KCNH5: variants seen among roughly 807,000 people sequenced by gnomAD.
The protein encoded by KCNH5 is voltage-gated delayed rectifier potassium channel KCNH5.
A neutral mutation model predicts 96.1 loss-of-function variants in KCNH5; 46 were observed. The observed-to-expected ratio is 0.48, with a 90% confidence interval of 0.38 to 0.61. The LOEUF is 0.61. Ranked by LOEUF, KCNH5 falls within the 20% of genes least tolerant of loss-of-function variation. The pLI is 0.00. For synonymous variants in KCNH5, 439 were observed against 449.8 expected (o/e 0.98, Z 0.30); for missense variants, 907 against 1,225.8 (o/e 0.74, Z 3.88).
At chr14:62,924,788 G>T (rs1184711319) in intron 7 of KCNH5, among the ~76,000 whole-genome samples, 3 of 151,840 alleles carry the variant, frequency 2.0e-5, no homozygotes, top group African/African-American at 7.2e-5. Context: ...AGAGTAGAAA[G>T]GTAGTTACCA....
chr14:62,867,864 T>A (rs985044403), intron 7 of KCNH5, among the ~76,000 whole-genome samples: 2 of 152,118 alleles, frequency 1.3e-5, no homozygotes, highest in Non-Finnish European at 2.9e-5. Flanking sequence ...CCACCTTAAC[T>A]TCATTCAGGT....
At chr14:62,956,250 T>C (rs925188247) in intron 6 of KCNH5, among the ~76,000 whole-genome samples, 5 of 152,066 alleles carry the variant, frequency 3.3e-5, no homozygotes, top group African/African-American at 1.2e-4. Flanking sequence ...AGGAGCTAGA[T>C]ACAAAAGAGT....
At chr14:62,864,851 A>T (rs1888102829) in intron 7 of KCNH5, among the ~76,000 whole-genome samples, 1 of 152,166 alleles carries the variant, frequency 6.6e-6, no homozygotes, top group Non-Finnish European at 1.5e-5. Flanking sequence ...AATATTTTGC[A>T]GATCACCATG....
chr14:62,788,875 A>C (rs1886373684), intron 9 of KCNH5, among the ~76,000 whole-genome samples: 1 of 152,146 alleles, frequency 6.6e-6, no homozygotes, highest in Non-Finnish European at 1.5e-5. Context: ...TGTGAACATA[A>C]CTTTTATGTT....
intron 1 of KCNH5, among the ~76,000 whole-genome samples, chr14:63,021,607 C>A (rs1338282398): frequency 6.6e-6 from 1 of 152,094 alleles, no homozygotes; most frequent in African/African-American, 2.4e-5. Context: ...ACAAACTTTC[C>A]ACAGAAGTTG....
In KCNH5 at chr14:62,707,762, C is replaced by T; in HGVS notation, c.2713G>A (p.Ala905Thr). ...ACTTCCTGCAGTGTGGTCTGTAAGG[C>T]CTGCTCGGGGATGGGATAAAAGGGG... ...KHPFYPIPEQ[A>T]LQTTLQEVKH... is the part of the protein sequence containing the mutation. Residue 905 changes from alanine (A) to threonine (T), a missense_variant, in exon 11 of 11, where the codon GCC becomes ACC. By Grantham distance (58) the Ala-to-Thr change is moderately conservative (BLOSUM62 0). This residue lies in a region of KCNH5 where 362 missense variants were observed against 394.4 expected (regional missense o/e 0.92). Transcript: ENST00000322893. 1 of 1,614,082 alleles carries T rather than the reference C, an allele frequency of 6.2e-7. No individual in the cohort carries two copies. The highest frequency in any genetic ancestry group is 1.1e-5 in the South Asian group (1 of 91,084).
chr14:62,721,031 T>C (rs1884802716), intron 10 of KCNH5, among the ~76,000 whole-genome samples: 1 of 152,210 alleles, frequency 6.6e-6, no homozygotes, highest in East Asian at 1.9e-4. Context: ...CAGGCAGGCA[T>C]TCTGAGGTTC....
intron 8 of KCNH5, among the ~76,000 whole-genome samples, chr14:62,829,651 G>C (rs551615629): frequency 1.3e-5 from 2 of 152,304 alleles, no homozygotes; most frequent in East Asian, 3.9e-4. Context: ...AGAGCTCTGG[G>C]CCTGGACCAC....
intron 6 of KCNH5, among the ~76,000 whole-genome samples, chr14:62,953,569 T>A (rs1890045919): frequency 6.6e-6 from 1 of 152,158 alleles, no homozygotes; most frequent in Non-Finnish European, 1.5e-5. Context: ...TTATCTTCTA[T>A]CATGTGAATG....
intron 10 of KCNH5, among the ~76,000 whole-genome samples, chr14:62,726,141 A>G (rs1884920122): frequency 6.6e-6 from 1 of 152,200 alleles, no homozygotes; most frequent in Non-Finnish European, 1.5e-5. Flanking sequence ...CGTATAACTA[A>G]ATCAACTCTA....
At chr14:62,749,688 C>A (rs928904238) in intron 10 of KCNH5, among the ~76,000 whole-genome samples, 4 of 152,158 alleles carry the variant, frequency 2.6e-5, no homozygotes, top group Non-Finnish European at 4.4e-5. Context: ...AAGGGCTGAG[C>A]TGCAGATTTC....
intron 9 of KCNH5, among the ~76,000 whole-genome samples, chr14:62,800,727 T>C (rs1017878778): frequency 3.3e-5 from 5 of 152,208 alleles, no homozygotes; most frequent in African/African-American, 9.6e-5. Flanking sequence ...TTAGTGTGTA[T>C]GTATCCTCTT....
intron 4 of KCNH5, among the ~76,000 whole-genome samples, chr14:62,996,308 T>A (rs1241636604): frequency 6.6e-6 from 1 of 152,152 alleles, no homozygotes; most frequent in South Asian, 2.1e-4. Context: ...ATAGTTACAT[T>A]TTACAATACT....
At chr14:62,765,691 C>G (rs1227599670) in intron 10 of KCNH5, among the ~76,000 whole-genome samples, 1 of 152,016 alleles carries the variant, frequency 6.6e-6, no homozygotes, top group Non-Finnish European at 1.5e-5. Flanking sequence ...CAAACAACCC[C>G]ATTAAAAAGT....
intron 1 of KCNH5, among the ~76,000 whole-genome samples, chr14:63,038,387 A>G (rs987025904): frequency 3.3e-5 from 5 of 152,182 alleles, no homozygotes; most frequent in Non-Finnish European, 5.9e-5. Context: ...ATGTCCTTAT[A>G]TCTACAAGCT....
At chr14:62,958,395 C>T (rs557983647) in intron 6 of KCNH5, among the ~76,000 whole-genome samples, 21 of 152,242 alleles carry the variant, frequency 1.4e-4, no homozygotes, top group Middle Eastern at 3.4e-3. Flanking sequence ...CAATCCATCT[C>T]CAACAACCTT....
Position 62,701,606 on chromosome 14 carries a change from C to G in KCNH5, c.*5902G>C, listed in dbSNP as rs1476216259. Reference sequence around the variant, plus strand: ...CATTATTTTAAAAGTAGGATTCTTCCTTTCTATGATTACCTCTGGCTCAGT... The same window carrying G: ...CATTATTTTAAAAGTAGGATTCTTCGTTTCTATGATTACCTCTGGCTCAGT... On this transcript the variant is annotated 3_prime_UTR_variant, in exon 11 of 11. Transcript: ENST00000322893. 6.6e-6 allele frequency: 1 copy of G among 152,078 alleles called. No individual in the cohort carries two copies. Among genetic ancestry groups the G allele is most frequent in the African/African-American group, 2.4e-5 (1 of 41,434 alleles). The allele number at this position is 152,078 out of a possible 1,614,324, so 9.4% of individuals were successfully genotyped here. A position where few individuals can be genotyped will look rare whatever the true frequency, so the allele number is the denominator to read the frequency against.
At chr14:62,740,208 A>G (rs1885242280) in intron 10 of KCNH5, among the ~76,000 whole-genome samples, 1 of 152,186 alleles carries the variant, frequency 6.6e-6, no homozygotes, top group South Asian at 2.1e-4. Context: ...ATGTGAACAC[A>G]ATATACGGAT....
At chr14:62,933,336 G>C (rs1308575929) in intron 7 of KCNH5, among the ~76,000 whole-genome samples, 1 of 152,090 alleles carries the variant, frequency 6.6e-6, no homozygotes, top group Non-Finnish European at 1.5e-5. Context: ...TGACTCAGTT[G>C]TAAATAGCAT....
Sources: gnomAD v4.1 joint callset for allele counts (sites outside exome capture counted in the v4.1 genomes callset) on GRCh38, gnomAD v4.1.1 for gene constraint, gnomAD v4.1.1 regional missense constraint, MANE v1.5 for transcripts, NCBI Gene and HGNC (gene_info 2026-07-23, HGNC 2026-07-21) for gene names.